Variants in PHLPP1 observed in about 807,000 individuals in gnomAD.
The protein encoded by PHLPP1 is PH domain leucine-rich repeat-containing protein phosphatase 1.
A neutral mutation model predicts 117.2 loss-of-function variants in PHLPP1; 42 were observed. The observed-to-expected ratio is 0.36, with a 90% CI of 0.28 to 0.46. The LOEUF is 0.46. Ranked by LOEUF, PHLPP1 falls within the 20% of genes least tolerant of loss-of-function variation. PHLPP1 has a pLI of 1.00. For missense variants in PHLPP1, 2,084 were observed against 2,241.9 expected, an observed-to-expected ratio of 0.93 and a Z score of 1.42; for synonymous variants, 1,042 against 970.7, an observed-to-expected ratio of 1.07 and a Z score of -1.37.
Position 62,772,347 on chromosome 18 carries a change from T to C in PHLPP1, c.1576+55088T>C, listed in dbSNP as rs528403195. On this transcript the variant is annotated intron_variant, in intron 1 of 16. Transcript: ENST00000262719. ...CCATTTTTCTGTTCTGTTTTCTTTA[T>C]TTTTTTTAAGCATAATTGGCAATAA... Among the ~76,000 whole-genome samples, 4 of 150,180 alleles carry C rather than the reference T, an allele frequency of 2.7e-5. No homozygotes were observed. The South Asian group carries it at 9.0e-4, about 34-fold the overall frequency.
At chr18:62,950,796 GT>G (rs1910432423) in intron 12 of PHLPP1, among the ~76,000 whole-genome samples, 1 of 152,118 alleles carries the variant, frequency 6.6e-6, no homozygotes, top group African/African-American at 2.4e-5. Flanking sequence ...GGAATCTAAT[GT>G]CAATTCCTGT....
intron 3 of PHLPP1, chr18:62,839,968 T>A (rs1026213269): frequency 6.6e-6 from 1 of 151,766 alleles, no homozygotes; most frequent in Non-Finnish European, 1.5e-5. Flanking sequence ...TTGGGTGTTG[T>A]TTTTGAAATG....
At chr18:62,853,811 A>G (rs1426654812) in intron 3 of PHLPP1, among the ~76,000 whole-genome samples, 1 of 152,234 alleles carries the variant, frequency 6.6e-6, no homozygotes, top group African/African-American at 2.4e-5. Context: ...CGACGAGAGC[A>G]TTGGCTTACA....
At chr18:62,967,276 C>G (rs934664126) in intron 14 of PHLPP1, among the ~76,000 whole-genome samples, 1 of 152,116 alleles carries the variant, frequency 6.6e-6, no homozygotes, top group African/African-American at 2.4e-5. Context: ...ATAAGGATTG[C>G]TGGGTCATAT....
chr18:62,788,578 T>A (rs1424485897), intron 1 of PHLPP1, among the ~76,000 whole-genome samples: 1 of 152,128 alleles, frequency 6.6e-6, no homozygotes, highest in South Asian at 2.1e-4. Flanking sequence ...TTTTTTTGTT[T>A]TTGTCAAAGA....
rs533378588 is a variant in PHLPP1 at position 62,799,610 on chromosome 18, C to T, written c.1577-30425C>T. 5.3e-5 allele frequency among the ~76,000 whole-genome samples: 8 copies of T among 152,286 alleles called. No homozygotes were observed. In the East Asian group the frequency reaches 5.8e-4, roughly 11 times the overall value. On this transcript the variant is annotated intron_variant, in intron 1 of 16. Coordinates refer to ENST00000262719, the MANE Select transcript of PHLPP1 (RefSeq NM_194449.4). Reference sequence around the variant, plus strand: ...ATAGTTGCACAGTGTGCAGGTTCCCCGGATCTTCCTGCTGTATTTTCCCCC... The same window carrying T: ...ATAGTTGCACAGTGTGCAGGTTCCCTGGATCTTCCTGCTGTATTTTCCCCC...
At position 62,715,799 on chromosome 18, in the gene PHLPP1, C is replaced by A; in HGVS notation, c.116C>A (p.Ala39Glu). 1 of 781,254 alleles carries A rather than the reference C, an allele frequency of 1.3e-6. No homozygotes were observed. The highest frequency in any genetic ancestry group is 1.6e-6 in the Non-Finnish European group (1 of 633,846). 48.4% of individuals were successfully genotyped at this position (781,254 alleles called of 1,614,324 possible). The change falls in exon 1 of 17, where the codon GCG becomes GAG. Residue 39 changes from alanine to glutamate, a missense_variant. Coordinates refer to ENST00000262719, the MANE Select transcript of PHLPP1 (RefSeq NM_194449.4). ...AAAAAAAAAA[A>E]ALAAAAGGGR... is the part of the protein sequence containing the mutation. ...GCAGCAGCAGCAGCGGCGGCCGCGG[C>A]GGCTCTGGCGGCGGCGGCCGGGGGC... is the stretch of plus-strand genomic sequence containing the variant.
At chr18:62,837,929 AGTG>A (rs1298366330) in intron 2 of PHLPP1, 1 of 152,100 alleles carries the variant, frequency 6.6e-6, no homozygotes, top group African/African-American at 2.4e-5. Context: ...GGCCTCCCAA[AGTG>A]GTGGGATTAC....
At chr18:62,804,799 A>C (rs1008199106) in intron 1 of PHLPP1, among the ~76,000 whole-genome samples, 3 of 150,640 alleles carry the variant, frequency 2.0e-5, no homozygotes, top group South Asian at 2.1e-4. Flanking sequence ...ACACATATAC[A>C]TACACACAGT....
Position 62,716,680 on chromosome 18 carries a change from C to G in PHLPP1, c.997C>G (p.Pro333Ala). The G allele has an allele frequency of 6.8e-7, 1 of 1,465,410 alleles. No homozygotes were observed. Among genetic ancestry groups the G allele is most frequent in the Non-Finnish European group, 9.0e-7 (1 of 1,110,816 alleles). The allele number at this position is 1,465,410 out of a possible 1,614,324, so 90.8% of individuals were successfully genotyped here. A position where few individuals can be genotyped will look rare whatever the true frequency, so the allele number is the denominator to read the frequency against. Residue 333 changes from proline to alanine, a missense_variant, in exon 1 of 17, where the codon CCT (proline) becomes GCT (alanine). Pro to Ala is a conservative substitution (Grantham distance 27). Transcript: ENST00000262719. This position sits in a 1 kb window ranked among gnomAD's most constrained non-coding sequence, Gnocchi z 5.7. ...SSPGEPFVGG[P>A]VSSPRAPRPV... The stretch of plus-strand genomic sequence containing the variant: ...CCCCGGCGAGCCGTTCGTTGGGGGC[C>G]CTGTCTCTTCGCCCCGCGCCCCACG...
chr18:62,716,614 G>C lies in PHLPP1; in HGVS notation c.931G>C (p.Gly311Arg). 1 of 1,310,782 alleles carries C rather than the reference G, an allele frequency of 7.6e-7. No individual in the cohort carries two copies. The highest frequency in any genetic ancestry group is 9.7e-7 in the Non-Finnish European group (1 of 1,032,330). 81.2% of individuals were successfully genotyped at this position (1,310,782 alleles called of 1,614,324 possible). ...DLPLPVGGPG[G>R]WSRRASPAPS... ...ACCCCTGCCCGTCGGCGGCCCGGGC[G>C]GGTGGTCGCGCCGCGCCAGCCCAGC... The change falls in exon 1 of 17, where the codon GGG becomes CGG. Residue 311 changes from glycine to arginine, a missense_variant. By Grantham distance (125) the Gly-to-Arg change is moderately radical. Around this residue, in one of 2 missense-constraint regions of PHLPP1, gnomAD observed 719 missense variants for 636.0 expected, o/e 1.13. Coordinates refer to ENST00000262719, the MANE Select transcript of PHLPP1 (RefSeq NM_194449.4). The surrounding 1 kb of genome is among the most constrained non-coding windows in gnomAD (Gnocchi z 5.7).
intron 1 of PHLPP1, among the ~76,000 whole-genome samples, chr18:62,765,536 A>G (rs1912442762): frequency 6.6e-6 from 1 of 152,218 alleles, no homozygotes; most frequent in South Asian, 2.1e-4. Flanking sequence ...GAAGTACCCA[A>G]GGGAAGACTG....
intron 6 of PHLPP1, among the ~76,000 whole-genome samples, chr18:62,901,080 T>C (rs946610059): frequency 6.6e-6 from 1 of 152,242 alleles, no homozygotes; most frequent in Admixed American, 6.5e-5. Flanking sequence ...GCTTTTGTTA[T>C]AGATTTTTTT....
rs1173801196 is a variant in PHLPP1 at position 62,946,890 on chromosome 18, A to G, written c.3324+1619A>G. Among the ~76,000 whole-genome samples the G allele has an allele frequency of 2.6e-5, 4 of 152,066 alleles. No homozygotes were observed. In the South Asian group the frequency reaches 8.3e-4, roughly 32 times the overall value. ...AACACGGTGAAACCCTGTCTCTACTAAAAATAGAAAAAATTAGCCGGGCAT... is the reference window on the plus strand; with the variant it reads ...AACACGGTGAAACCCTGTCTCTACTGAAAATAGAAAAAATTAGCCGGGCAT... On this transcript the variant is annotated intron_variant, in intron 12 of 16. Coordinates refer to ENST00000262719, the MANE Select transcript of PHLPP1 (RefSeq NM_194449.4).
rs748309109 is a variant in PHLPP1, at chr18:62,902,957, C to T, written c.2445-7C>T. The T allele has an allele frequency of 6.3e-7, 1 of 1,594,602 alleles. No homozygotes were observed. Among genetic ancestry groups the T allele is most frequent in the South Asian group, 1.1e-5 (1 of 90,728 alleles). On this transcript the variant is annotated splice_region_variant and splice_polypyrimidine_tract_variant and intron_variant, in intron 6 of 16. Transcript: ENST00000262719. ...TAATTATAGTCTCTATGTCCTTTGCCCTCAAGGTTGAACGTAATTAGGAAG... is the reference window on the plus strand; with the variant it reads ...TAATTATAGTCTCTATGTCCTTTGCTCTCAAGGTTGAACGTAATTAGGAAG...
intron 3 of PHLPP1, among the ~76,000 whole-genome samples, chr18:62,855,124 A>G (rs1005361723): frequency 2.6e-5 from 4 of 152,204 alleles, no homozygotes; most frequent in African/African-American, 9.7e-5. Context: ...TAAATATTGT[A>G]TCTTAAGCTC....
At chr18:62,967,098 A>G (rs189913207) in intron 14 of PHLPP1, among the ~76,000 whole-genome samples, 1 of 152,286 alleles carries the variant, frequency 6.6e-6, no homozygotes, top group Non-Finnish European at 1.5e-5. Context: ...ATTCCATAGC[A>G]TGGACATATT....
At chr18:62,775,291 GTTT>G (rs1912915585) in intron 1 of PHLPP1, among the ~76,000 whole-genome samples, 1 of 152,148 alleles carries the variant, frequency 6.6e-6, no homozygotes, top group African/African-American at 2.4e-5. Flanking sequence ...TAGAGACAGG[GTTT>G]TTAACATGTT....
chr18:62,779,956 T>A (rs1913072604), intron 1 of PHLPP1, among the ~76,000 whole-genome samples: 1 of 152,204 alleles, frequency 6.6e-6, no homozygotes, highest in South Asian at 2.1e-4. Context: ...AGTAGCCAAC[T>A]GTCCACATGA....
Sources: allele counts gnomAD v4.1 joint callset (sites outside exome capture counted in the v4.1 genomes callset), GRCh38; gene constraint gnomAD v4.1.1; regional missense constraint gnomAD v4.1.1; non-coding constraint Gnocchi (gnomAD v3.1); transcripts MANE v1.5; gene names NCBI Gene and HGNC (gene_info 2026-07-23, HGNC 2026-07-21).